Variants in CATSPERE observed in about 807,000 individuals in gnomAD.
CATSPERE encodes catsper channel auxiliary subunit epsilon.
A neutral mutation model predicts 114.1 loss-of-function variants in CATSPERE; 93 were observed. That is an observed-to-expected ratio of 0.81 (90% CI 0.69 to 0.97). CATSPERE has a LOEUF of 0.97. CATSPERE is among the 50% of genes least tolerant of loss of function. The probability of loss-of-function intolerance (pLI) is 0.00; values close to 1 mark genes in which losing one functional copy is unlikely to be tolerated. For missense variants in CATSPERE, 1,058 were observed against 1,131.6 expected (o/e 0.93, Z 0.93); for synonymous variants, 341 against 384.1 (o/e 0.89, Z 1.31).
intron 10 of CATSPERE, among the ~76,000 whole-genome samples, chr1:244,571,592 C>A (rs1363694419): frequency 1.3e-5 from 2 of 152,148 alleles, no homozygotes; most frequent in Non-Finnish European, 2.9e-5. Flanking sequence ...CCACTCTCAC[C>A]CCCACTCACC....
In CATSPERE at chr1:244,612,938, A is replaced by G. The variant is rs575720831; in HGVS notation, c.2490+2612A>G. 9.8e-5 allele frequency among the ~76,000 whole-genome samples: 15 copies of G among 152,330 alleles called. No individual in the cohort carries two copies. The East Asian group carries it at 2.7e-3, about 27-fold the overall frequency. ...GAGGGGGAAGTTTTAATAATATAAC[A>G]GGGAATATCAGGCAGTGATATCTTT... On this transcript the variant is annotated intron_variant, in intron 19 of 21. Transcript: ENST00000366534.
intron 13 of CATSPERE, among the ~76,000 whole-genome samples, chr1:244,586,107 G>A (rs1035947514): frequency 6.6e-6 from 1 of 152,186 alleles, no homozygotes; most frequent in Non-Finnish European, 1.5e-5. Context: ...TTGTCATTTA[G>A]GCCATATGTC....
Position 244,575,048 on chromosome 1 carries a change from G to A in CATSPERE, c.1950+2276G>A, listed in dbSNP as rs1043228176. 1.5e-4 allele frequency among the ~76,000 whole-genome samples: 23 copies of A among 151,632 alleles called. No homozygotes were observed. Among genetic ancestry groups the A allele is most frequent in the African/African-American group, 3.9e-4 (16 of 41,240 alleles). ...CCCTCTATCTCTCTCTCTCATTTGC[G>A]CTGTCTCCCTCCTGAGTTCTCCCAC... On this transcript the variant is annotated intron_variant, in intron 11 of 21. Transcript: ENST00000366534. The surrounding 1 kb of genome is among the most constrained non-coding windows in gnomAD (Gnocchi z 4.5).
rs1316195283 is a variant in CATSPERE, at chr1:244,504,791, A to C, written c.429+5712A>C. Among the ~76,000 whole-genome samples the C allele has an allele frequency of 6.6e-6, 1 of 152,218 alleles. No individual in the cohort carries two copies. Among genetic ancestry groups the C allele is most frequent in the African/African-American group, 2.4e-5 (1 of 41,448 alleles). ...ACAATCATATGATGTGTCGCTGCTGATGTTTGCGTTCATCACCTGGCTTGT... is the reference window on the plus strand; with the variant it reads ...ACAATCATATGATGTGTCGCTGCTGCTGTTTGCGTTCATCACCTGGCTTGT... On this transcript the variant is annotated intron_variant, in intron 7 of 21. Coordinates refer to ENST00000366534, the MANE Select transcript of CATSPERE (RefSeq NM_001130957.2). This position sits in a 1 kb window ranked among gnomAD's most constrained non-coding sequence, Gnocchi z 4.1.
At chr1:244,572,229 C>T (rs529917404) in intron 10 of CATSPERE, 101 bp from the exon 11 acceptor site, 26 of 655,932 alleles carry the variant, frequency 4.0e-5, no homozygotes, top group East Asian at 1.9e-4. Context: ...TGAAAATACT[C>T]GGTCATTATC....
chr1:244,595,523 G>A (rs1668274693), intron 17 of CATSPERE, among the ~76,000 whole-genome samples: 2 of 152,322 alleles, frequency 1.3e-5, no homozygotes, highest in South Asian at 4.1e-4. Flanking sequence ...GTGTGATATT[G>A]TTGAGGCAAA....
chr1:244,547,094 A>G (rs1659876378), intron 8 of CATSPERE, among the ~76,000 whole-genome samples: 1 of 152,232 alleles, frequency 6.6e-6, no homozygotes, highest in South Asian at 2.1e-4. Flanking sequence ...GAAAAGAAGC[A>G]AATAACATAT....
intron 2 of CATSPERE, among the ~76,000 whole-genome samples, chr1:244,464,960 TG>T (rs1184874637): frequency 2.3e-5 from 2 of 86,116 alleles, no homozygotes; most frequent in Admixed American, 2.1e-4. Flanking sequence ...GATACTTTAC[TG>T]AAAAAAAAAA....
At chr1:244,637,240 C>CA (rs1343832449) in intron 21 of CATSPERE, among the ~76,000 whole-genome samples, 2 of 152,172 alleles carry the variant, frequency 1.3e-5, no homozygotes, top group African/African-American at 4.8e-5. Context: ...GCTGCAGCCC[C>CA]AGCTGTCTGT....
intron 17 of CATSPERE, among the ~76,000 whole-genome samples, chr1:244,595,180 A>C (rs1356500995): frequency 6.6e-6 from 1 of 152,218 alleles, no homozygotes; most frequent in Non-Finnish European, 1.5e-5. Context: ...TGGAAAGATA[A>C]GTGACAGGAT....
intron 5 of CATSPERE, among the ~76,000 whole-genome samples, chr1:244,486,518 G>A (rs1200401245): frequency 4.1e-5 from 6 of 144,952 alleles, no homozygotes; most frequent in Non-Finnish European, 7.6e-5. Flanking sequence ...GTAGACCCTC[G>A]TAGTCACCTG....
At chr1:244,517,434 CTAT>C (rs1390427412) in intron 7 of CATSPERE, among the ~76,000 whole-genome samples, 1 of 151,754 alleles carries the variant, frequency 6.6e-6, no homozygotes, top group Non-Finnish European at 1.5e-5. Context: ...ATTAAAATAT[CTAT>C]TATTTATTAT....
chr1:244,521,469 ATT>A (rs1677545843), intron 8 of CATSPERE, among the ~76,000 whole-genome samples: 1 of 152,208 alleles, frequency 6.6e-6, no homozygotes, highest in Non-Finnish European at 1.5e-5. Flanking sequence ...TTTTAATGTA[ATT>A]TATTACATTA....
chr1:244,627,346 G>A (rs922722458), intron 20 of CATSPERE, among the ~76,000 whole-genome samples: 5 of 152,140 alleles, frequency 3.3e-5, no homozygotes, highest in Admixed American at 6.6e-5. Context: ...CAAAGTGAGA[G>A]GACAGCTTGA....
chr1:244,462,698 CT>C (rs926454471), intron 1 of CATSPERE, among the ~76,000 whole-genome samples: 10 of 151,968 alleles, frequency 6.6e-5, no homozygotes, highest in South Asian at 4.2e-4. Context: ...AAATACATGA[CT>C]TTTTTTTAAT....
chr1:244,497,689 C>A (rs529694368), intron 6 of CATSPERE, among the ~76,000 whole-genome samples: 1 of 152,186 alleles, frequency 6.6e-6, no homozygotes, highest in East Asian at 1.9e-4. Flanking sequence ...CCCAGCTACT[C>A]GGGAAGCTGA....
At position 244,635,503 on chromosome 1, in the gene CATSPERE, C is replaced by A; in HGVS notation, c.2663C>A (p.Thr888Lys). ...LDPNYSFCNL[T>K]AMFAIETFGL... Reference sequence around the variant, plus strand: ...CTGCTTTGCAGTTTCTGTAACCTAACAGCTATGTTTGCAATAGAGACATTT... The same window carrying A: ...CTGCTTTGCAGTTTCTGTAACCTAAAAGCTATGTTTGCAATAGAGACATTT... The change falls in exon 21 of 22, where the codon ACA becomes AAA. Residue 888 changes from threonine to lysine, a missense_variant. Around this residue, in one of 2 missense-constraint regions of CATSPERE, gnomAD observed 787 missense variants for 905.6 expected, o/e 0.87. Coordinates refer to ENST00000366534, the MANE Select transcript of CATSPERE (RefSeq NM_001130957.2). 6.2e-7 allele frequency: 1 copy of A among 1,612,462 alleles called. No individual in the cohort carries two copies. The highest frequency in any genetic ancestry group is 8.5e-7 in the Non-Finnish European group (1 of 1,178,718).
At chr1:244,546,429 G>A (rs1056263685) in intron 8 of CATSPERE, among the ~76,000 whole-genome samples, 2 of 152,152 alleles carry the variant, frequency 1.3e-5, no homozygotes, top group Non-Finnish European at 2.9e-5. Flanking sequence ...TGACCAGAAA[G>A]ATCAAGAAAA....
In CATSPERE at chr1:244,535,180, A is replaced by G. The variant is rs143036000; in HGVS notation, c.536+16482A>G. Among the ~76,000 whole-genome samples, 1,091 of 152,288 alleles carry G rather than the reference A, an allele frequency of 7.2e-3. 14 individuals carry two copies. The highest frequency in any genetic ancestry group is 0.025 in the African/African-American group (1,044 of 41,580). On this transcript the variant is annotated intron_variant, in intron 8 of 21. Coordinates refer to ENST00000366534, the MANE Select transcript of CATSPERE (RefSeq NM_001130957.2). ...GAGGGGTGACACAGCGCCCCTGTGG[A>G]CACTGCCACTGGGACTGCACTGGGT...
Sources: allele counts gnomAD v4.1 joint callset (sites outside exome capture counted in the v4.1 genomes callset), GRCh38; gene constraint gnomAD v4.1.1; regional missense constraint gnomAD v4.1.1; non-coding constraint Gnocchi (gnomAD v3.1); transcripts MANE v1.5; gene names NCBI Gene and HGNC (gene_info 2026-07-23, HGNC 2026-07-21).